The following SNRPG variants were observed in gnomAD, a reference collection of about 807,000 sequenced individuals.
SNRPG encodes small nuclear ribonucleoprotein G.
SNRPG carries 3 observed loss-of-function variants against 13.9 expected under a neutral mutation model. The ratio of observed to expected loss-of-function variants is 0.22; its 90% confidence interval spans 0.10 to 0.56. SNRPG has a LOEUF of 0.56. Ranked by LOEUF, SNRPG falls within the 20% of genes least tolerant of loss-of-function variation. SNRPG has a pLI of 0.93. For synonymous variants in SNRPG, 29 were observed against 29.3 expected, an observed-to-expected ratio of 0.99 and a Z score of 0.03; for missense variants, 34 against 96.1, an observed-to-expected ratio of 0.35 and a Z score of 2.70.
intron 2 of SNRPG, 27 bp downstream of exon 2, chr2:70,289,323 A>C (rs1559044862): frequency 7.4e-7 from 1 of 1,352,692 alleles, no homozygotes; most frequent in Non-Finnish European, 1.0e-6. Context: ...ATAATTAAAA[A>C]AAACCCCAAA....
At chr2:70,287,846 A>G (rs1010699698) in intron 3 of SNRPG, 3 of 550,402 alleles carry the variant, frequency 5.5e-6, no homozygotes, top group Non-Finnish European at 9.7e-6. Context: ...TCCAACAGCT[A>G]TTTCAAGCGC....
intron 1 of SNRPG, among the ~76,000 whole-genome samples, chr2:70,290,998 T>C (rs10202716): frequency 0.093 from 11,956 of 127,952 alleles, 539 homozygotes; most frequent in East Asian, 0.21. Context: ...GCAATAAGAG[T>C]GAAACTCCAT....
At chr2:70,283,112 A>AC (rs1559041532) in intron 3 of SNRPG, among the ~76,000 whole-genome samples, 13 of 147,850 alleles carry the variant, frequency 8.8e-5, no homozygotes, top group African/African-American at 2.5e-4. Flanking sequence ...AAAAAAAAAA[A>AC]AAAAAAAAAA....
intron 1 of SNRPG, among the ~76,000 whole-genome samples, chr2:70,292,427 A>C (rs1031910637): frequency 1.3e-5 from 2 of 152,144 alleles, no homozygotes; most frequent in Non-Finnish European, 2.9e-5. Context: ...GACTCACTGC[A>C]ACCTCCGCTT....
intron 3 of SNRPG, among the ~76,000 whole-genome samples, chr2:70,287,578 T>G (rs1387885603): frequency 6.6e-6 from 1 of 152,224 alleles, no homozygotes; most frequent in Non-Finnish European, 1.5e-5. Flanking sequence ...AAATTTTGGG[T>G]GTGGTAAACC....
At chr2:70,292,897 C>A in intron 1 of SNRPG, 1 of 507,576 alleles carries the variant, frequency 2.0e-6, no homozygotes, top group African/African-American at 1.9e-5. Flanking sequence ...TTGAGGAATT[C>A]AAAGCTTTAC....
At chr2:70,287,481 G>T in intron 3 of SNRPG, 1 of 579,022 alleles carries the variant, frequency 1.7e-6, no homozygotes, top group South Asian at 2.2e-5. Context: ...TGAGGGCTCA[G>T]TATGTGCTTA....
intron 1 of SNRPG, among the ~76,000 whole-genome samples, chr2:70,291,474 A>T (rs1370855123): frequency 6.6e-6 from 1 of 152,136 alleles, no homozygotes; most frequent in African/African-American, 2.4e-5. Context: ...GGGACCAGTT[A>T]ATTTTGTATT....
chr2:70,289,731 A>G (rs1399155266), intron 1 of SNRPG, among the ~76,000 whole-genome samples: 1 of 152,088 alleles, frequency 6.6e-6, no homozygotes, highest in Non-Finnish European at 1.5e-5. Context: ...GAATCACTGG[A>G]GCCTGCCACG....
intron 3 of SNRPG, among the ~76,000 whole-genome samples, chr2:70,283,235 G>A (rs1696858815): frequency 6.6e-6 from 1 of 151,806 alleles, no homozygotes; most frequent in African/African-American, 2.4e-5. Flanking sequence ...TGGAAGGCTA[G>A]GGGACTAAAA....
chr2:70,293,450 G>C (rs985626659), intron 1 of SNRPG, 168 bp downstream of exon 1: 3 of 716,024 alleles, frequency 4.2e-6, no homozygotes, highest in African/African-American at 3.5e-5. Flanking sequence ...AGCTCTGCGC[G>C]GGCTTCACGT....
chr2:70,292,215 G>A (rs1251148606), intron 1 of SNRPG, among the ~76,000 whole-genome samples: 1 of 151,950 alleles, frequency 6.6e-6, no homozygotes, highest in Admixed American at 6.6e-5. Flanking sequence ...CAAAGTGCTG[G>A]GATTACAGGC....
chr2:70,285,647 A>T (rs1017572053), intron 3 of SNRPG, among the ~76,000 whole-genome samples: 1 of 151,846 alleles, frequency 6.6e-6, no homozygotes, highest in South Asian at 2.1e-4. Flanking sequence ...TCTGGTACCT[A>T]CTCTGAGGAT....
chr2:70,286,241 C>G (rs566690897), intron 3 of SNRPG, among the ~76,000 whole-genome samples: 2 of 152,248 alleles, frequency 1.3e-5, no homozygotes, highest in African/African-American at 4.8e-5. Context: ...ACACACATAA[C>G]TGCAATAAAA....
chr2:70,286,510 TA>T (rs1334624902), intron 3 of SNRPG, among the ~76,000 whole-genome samples: 1 of 151,296 alleles, frequency 6.6e-6, no homozygotes, highest in African/African-American at 2.4e-5. Context: ...TGTCTGCTGA[TA>T]AAAACTTTTT....
chr2:70,288,756 C>CG (rs1352515990), intron 2 of SNRPG, among the ~76,000 whole-genome samples: 6 of 152,324 alleles, frequency 3.9e-5, no homozygotes, highest in African/African-American at 1.4e-4. Context: ...TGTTCCTTGT[C>CG]TAAGTCCTTT....
At chr2:70,289,256 T>C in intron 2 of SNRPG, 94 bp downstream of exon 2, 1 of 805,964 alleles carries the variant, frequency 1.2e-6, no homozygotes, top group South Asian at 1.6e-5. Context: ...CCTGGCTGCT[T>C]TAAATTTTTA....
intron 3 of SNRPG, among the ~76,000 whole-genome samples, chr2:70,282,250 T>G (rs752258284): frequency 2.0e-5 from 3 of 152,142 alleles, no homozygotes; most frequent in Non-Finnish European, 4.4e-5. Context: ...GACTCAAATT[T>G]AAATGCCCAT....
chr2:70,287,272 T>C (rs1023741748), intron 3 of SNRPG: 2 of 701,750 alleles, frequency 2.9e-6, no homozygotes, highest in Non-Finnish European at 5.2e-6. Context: ...TACCACTCCT[T>C]GGAGGTCTTT....
Sources: allele counts gnomAD v4.1 joint callset (sites outside exome capture counted in the v4.1 genomes callset), GRCh38; gene constraint gnomAD v4.1.1; transcripts MANE v1.5; gene names NCBI Gene and HGNC (gene_info 2026-07-23, HGNC 2026-07-21).